Variants in TTC39A observed in about 807,000 individuals in gnomAD.
TTC39A encodes the protein tetratricopeptide repeat domain 39A, also known as tetratricopeptide repeat protein 39A.
TTC39A carries 46 observed loss-of-function variants against 82.3 expected under a neutral mutation model. The ratio of observed to expected loss-of-function variants is 0.56; its 90% CI spans 0.44 to 0.71. TTC39A has a LOEUF of 0.71. TTC39A is among the 30% of genes least tolerant of loss of function. The probability of loss-of-function intolerance (pLI) is 0.00; values close to 1 mark genes in which losing one functional copy is unlikely to be tolerated. For synonymous variants in TTC39A, 254 were observed against 275.2 expected (o/e 0.92, Z 0.76); for missense variants, 543 against 712.9 (o/e 0.76, Z 2.71).
At chr1:51,325,093 A>G (rs1645664415) in intron 1 of TTC39A, among the ~76,000 whole-genome samples, 1 of 151,818 alleles carries the variant, frequency 6.6e-6, no homozygotes, top group Non-Finnish European at 1.5e-5. Context: ...CGCCTCTACT[A>G]AAAATACAAT....
At chr1:51,311,094 C>T (rs1313989594) in intron 5 of TTC39A, among the ~76,000 whole-genome samples, 160 bp downstream of exon 5, 2 of 152,212 alleles carry the variant, frequency 1.3e-5, no homozygotes, top group Non-Finnish European at 2.9e-5. Flanking sequence ...TGAGCCCCGC[C>T]AGGGGCAGGA....
chr1:51,307,185 T>C (rs1407554085), intron 6 of TTC39A, among the ~76,000 whole-genome samples: 1 of 152,128 alleles, frequency 6.6e-6, no homozygotes, highest in Non-Finnish European at 1.5e-5. Flanking sequence ...GGACTTCTTT[T>C]AAGAGCAAGA....
At chr1:51,293,617 G>A (rs1030476222) in intron 14 of TTC39A, among the ~76,000 whole-genome samples, 4 of 152,198 alleles carry the variant, frequency 2.6e-5, no homozygotes, top group Non-Finnish European at 4.4e-5. Context: ...CCAGAAAAAG[G>A]TCTCTCAAGC....
At chr1:51,305,017 C>G in intron 8 of TTC39A, 64 bp downstream of exon 8, 2 of 1,578,184 alleles carry the variant, frequency 1.3e-6, no homozygotes, top group Non-Finnish European at 1.7e-6. Context: ...CAGCCCCACC[C>G]TGTGCAGCCC....
intron 1 of TTC39A, among the ~76,000 whole-genome samples, chr1:51,338,677 A>G (rs1240711484): frequency 3.6e-5 from 5 of 137,522 alleles, no homozygotes; most frequent in Non-Finnish European, 6.0e-5. Context: ...ATCTTGGCTC[A>G]CTGCAACCTC....
intron 1 of TTC39A, among the ~76,000 whole-genome samples, chr1:51,326,580 G>C (rs534702393): frequency 6.6e-5 from 10 of 152,314 alleles, no homozygotes; most frequent in African/African-American, 2.4e-4. Context: ...ATTGATGACT[G>C]CATTATTTCA....
intron 4 of TTC39A, 126 bp from the exon 5 acceptor site, chr1:51,311,447 A>G (rs959337781): frequency 6.5e-6 from 5 of 771,528 alleles, no homozygotes; most frequent in Middle Eastern, 3.7e-4. Context: ...CCTGTCCCCT[A>G]CCTCGTCACC....
At chr1:51,338,757 C>A (rs543650957) in intron 1 of TTC39A, among the ~76,000 whole-genome samples, 1 of 151,952 alleles carries the variant, frequency 6.6e-6, no homozygotes, top group Non-Finnish European at 1.5e-5. Flanking sequence ...CACGCACCAC[C>A]AAGCCCGGCT....
intron 6 of TTC39A, among the ~76,000 whole-genome samples, chr1:51,307,751 AAAAG>A (rs1644927145): frequency 1.3e-5 from 2 of 151,930 alleles, no homozygotes; most frequent in Admixed American, 1.3e-4. Flanking sequence ...AAAAAAAAAA[AAAAG>A]ACTTTTTTAC....
intron 2 of TTC39A, among the ~76,000 whole-genome samples, chr1:51,319,463 G>A (rs1003847569): frequency 2.0e-5 from 3 of 152,064 alleles, no homozygotes; most frequent in African/African-American, 7.2e-5. Flanking sequence ...CTGAGAACCC[G>A]CATAACAATC....
intron 1 of TTC39A, among the ~76,000 whole-genome samples, chr1:51,323,950 T>C (rs1645618749): frequency 6.6e-6 from 1 of 152,218 alleles, no homozygotes; most frequent in African/African-American, 2.4e-5. Flanking sequence ...TATTACAAAT[T>C]CATGTTTGAC....
chr1:51,308,445 G>T (rs1339800023), intron 6 of TTC39A, among the ~76,000 whole-genome samples: 1 of 152,140 alleles, frequency 6.6e-6, no homozygotes, highest in Non-Finnish European at 1.5e-5. Context: ...TCACCAGGTT[G>T]GTCAGGCTGG....
intron 2 of TTC39A, among the ~76,000 whole-genome samples, chr1:51,315,361 A>G (rs1216556358): frequency 6.6e-6 from 1 of 152,190 alleles, no homozygotes; most frequent in East Asian, 1.9e-4. Flanking sequence ...TTTAGCTTGT[A>G]CCCAAGTTTG....
chr1:51,303,678 T>C (rs995715197), intron 8 of TTC39A, among the ~76,000 whole-genome samples: 5 of 152,146 alleles, frequency 3.3e-5, no homozygotes, highest in Non-Finnish European at 2.9e-5. Context: ...TCTCTGCCCC[T>C]CTGTCTGTCC....
rs529525350 is a variant in TTC39A, at chr1:51,307,217, G to C, written c.489-1141C>G. 3.3e-5 allele frequency among the ~76,000 whole-genome samples: 5 copies of C among 152,276 alleles called. No individual in the cohort carries two copies. The South Asian group carries it at 1.0e-3, about 32-fold the overall frequency. On this transcript the variant is annotated intron_variant, in intron 6 of 17. Coordinates refer to ENST00000680483, the MANE Select transcript of TTC39A (RefSeq NM_001297663.2). ...AAGAGGAGCCTTGGGAGTTGGCAAG[G>C]GGTGGCCTGACAAGGTGTGTGCTTT...
At position 51,287,864 on chromosome 1, in the gene TTC39A, G is replaced by C. The variant is rs1223996030; in HGVS notation, c.*293C>G. On this transcript the variant is annotated 3_prime_UTR_variant, in exon 18 of 18. Coordinates refer to ENST00000680483, the MANE Select transcript of TTC39A (RefSeq NM_001297663.2). ...GTGATCCCATCAATGTATTTCTAAGGAAAATGTAAACTGTTCATACATTCT... is the reference window on the plus strand; with the variant it reads ...GTGATCCCATCAATGTATTTCTAAGCAAAATGTAAACTGTTCATACATTCT... 3 of 311,704 alleles carry C rather than the reference G, an allele frequency of 9.6e-6. No homozygotes were observed. In the Admixed American group the frequency reaches 1.3e-4, roughly 13 times the overall value. The allele number at this position is 311,704 out of a possible 1,614,324, so 19.3% of individuals were successfully genotyped here.
At chr1:51,310,486 C>A (rs1196857969) in intron 5 of TTC39A, among the ~76,000 whole-genome samples, 1 of 152,084 alleles carries the variant, frequency 6.6e-6, no homozygotes, top group Non-Finnish European at 1.5e-5. Flanking sequence ...TAGGATTAAT[C>A]CAATTCTCAT....
Position 51,288,041 on chromosome 1 carries a change from T to C in TTC39A, c.*116A>G, listed in dbSNP as rs1644052549. On this transcript the variant is annotated 3_prime_UTR_variant, in exon 18 of 18. Coordinates refer to ENST00000680483, the MANE Select transcript of TTC39A (RefSeq NM_001297663.2). This position sits in a 1 kb window ranked among gnomAD's most constrained non-coding sequence, Gnocchi z 4.8. Reference sequence around the variant, plus strand: ...GATACACTATGTTGTGCCATCCAACTGGAGTGCCGGTGGACCCCAAAGGCA... The same window carrying C: ...GATACACTATGTTGTGCCATCCAACCGGAGTGCCGGTGGACCCCAAAGGCA... 6.8e-6 allele frequency: 10 copies of C among 1,460,266 alleles called. No individual in the cohort carries two copies. Among genetic ancestry groups the C allele is most frequent in the Non-Finnish European group, 9.2e-6 (10 of 1,087,884 alleles). 90.5% of individuals were successfully genotyped at this position (1,460,266 alleles called of 1,614,324 possible). A position where few individuals can be genotyped will look rare whatever the true frequency, so the allele number is the denominator to read the frequency against.
chr1:51,313,062 A>G (rs34964498), intron 2 of TTC39A, 119 bp from the exon 3 acceptor site: 75,678 of 1,354,304 alleles, frequency 0.056, 2,418 homozygotes, highest in Non-Finnish European at 0.067. Context: ...CCAGAGGTCC[A>G]GGCACGGGGA....
Sources: gnomAD v4.1 joint callset for allele counts (sites outside exome capture counted in the v4.1 genomes callset) on GRCh38, gnomAD v4.1.1 for gene constraint, Gnocchi (gnomAD v3.1) non-coding constraint, MANE v1.5 for transcripts, NCBI Gene and HGNC (gene_info 2026-07-23, HGNC 2026-07-21) for gene names.